Variants in TAF15 observed in about 807,000 individuals in gnomAD.
TAF15 encodes TATA-binding protein-associated factor 2N.
A neutral mutation model predicts 102.5 loss-of-function variants in TAF15; 37 were observed. The ratio of observed to expected loss-of-function variants is 0.36; its 90% CI spans 0.28 to 0.47. TAF15 has a LOEUF of 0.47. TAF15 is among the 20% of genes least tolerant of loss of function. The probability of loss-of-function intolerance (pLI) is 0.99; values close to 1 mark genes in which losing one functional copy is unlikely to be tolerated. For missense variants in TAF15, 652 were observed against 760.7 expected, an observed-to-expected ratio of 0.86 and a Z score of 1.68; for synonymous variants, 273 against 259.2, an observed-to-expected ratio of 1.05 and a Z score of -0.51.
At chr17:35,842,294 A>G in intron 11 of TAF15, 73 bp from the exon 12 acceptor site, 1 of 1,170,054 alleles carries the variant, frequency 8.5e-7, no homozygotes, top group Admixed American at 1.9e-5. Flanking sequence ...AAGATTTCCA[A>G]GACTTTTTCA....
At chr17:35,820,513 A>G in intron 5 of TAF15, 76 bp downstream of exon 5, 1 of 1,420,420 alleles carries the variant, frequency 7.0e-7, no homozygotes, top group Admixed American at 2.0e-5. Flanking sequence ...TTAACCAACA[A>G]AATCCTAGCT....
At chr17:35,845,362 C>T (rs1277918811) in intron 15 of TAF15, among the ~76,000 whole-genome samples, 2 of 152,196 alleles carry the variant, frequency 1.3e-5, no homozygotes, top group South Asian at 2.1e-4. Flanking sequence ...TCAGGCAACA[C>T]TCCTGCCTCA....
At chr17:35,811,737 C>G (rs2087126415) in intron 1 of TAF15, among the ~76,000 whole-genome samples, 1 of 152,186 alleles carries the variant, frequency 6.6e-6, no homozygotes, top group African/African-American at 2.4e-5. Flanking sequence ...AATTATAAGT[C>G]AGAGTCTAAC....
At chr17:35,819,925 C>A in intron 2 of TAF15, 99 bp from the exon 3 acceptor site, 2 of 1,017,694 alleles carry the variant, frequency 2.0e-6, no homozygotes, top group Non-Finnish European at 3.0e-6. Context: ...AGCAAAGAAG[C>A]TTGTATTTGA....
At chr17:35,832,885 A>C (rs11656322) in intron 7 of TAF15, among the ~76,000 whole-genome samples, 2 of 151,830 alleles carry the variant, frequency 1.3e-5, no homozygotes, top group Non-Finnish European at 2.9e-5. Flanking sequence ...GTCCTGGCGC[A>C]GTGGCTCGTG....
At chr17:35,841,714 TGG>T (rs1415868059) in intron 11 of TAF15, among the ~76,000 whole-genome samples, 2 of 149,702 alleles carry the variant, frequency 1.3e-5, no homozygotes, top group Non-Finnish European at 1.5e-5. Flanking sequence ...TTTTTTTTTT[TGG>T]AGAGAGAGTA....
intron 12 of TAF15, among the ~76,000 whole-genome samples, chr17:35,843,459 C>CT (rs2087572338): frequency 6.6e-6 from 1 of 152,106 alleles, no homozygotes; most frequent in Non-Finnish European, 1.5e-5. Flanking sequence ...ATATTCTTGT[C>CT]TTTTTTCTTT....
intron 11 of TAF15, among the ~76,000 whole-genome samples, chr17:35,841,220 AAT>A (rs2087539196): frequency 2.6e-5 from 4 of 152,370 alleles, no homozygotes. Flanking sequence ...CATATGGTAA[AAT>A]ATGAGTTTCT....
chr17:35,809,586 T>G lies in TAF15; in HGVS notation c.7+10T>G. The G allele has an allele frequency of 6.2e-7, 1 of 1,613,388 alleles. No individual in the cohort carries two copies. The highest frequency in any genetic ancestry group is 8.5e-7 in the Non-Finnish European group (1 of 1,179,854). On this transcript the variant is annotated intron_variant, in intron 1 of 15. Coordinates refer to ENST00000605844, the MANE Select transcript of TAF15 (RefSeq NM_139215.3). ...CCGTTAGTCATGTCGGGTAGGTGACTTCTTCAGCGAGCAGCGGCAGCGACG... is the reference window on the plus strand; with the variant it reads ...CCGTTAGTCATGTCGGGTAGGTGACGTCTTCAGCGAGCAGCGGCAGCGACG...
At position 35,814,948 on chromosome 17, in the gene TAF15, T is replaced by TA. The variant is rs577690853; in HGVS notation, c.8-2760dup. ...ACAAGTCCATAGTTATATGGGAAGT[T>TA]AAAAAAAATACCTCTTTGTGTAATT... On this transcript the variant is annotated intron_variant, in intron 1 of 15. Coordinates refer to ENST00000605844, the MANE Select transcript of TAF15 (RefSeq NM_139215.3). Among the ~76,000 whole-genome samples the TA allele has an allele frequency of 5.4e-3, 819 of 151,602 alleles. 6 individuals carry two copies. Among genetic ancestry groups the TA allele is most frequent in the African/African-American group, 0.011 (451 of 41,366 alleles).
At chr17:35,835,447 T>C (rs1458003434) in intron 9 of TAF15, among the ~76,000 whole-genome samples, 2 of 152,236 alleles carry the variant, frequency 1.3e-5, no homozygotes, top group African/African-American at 4.8e-5. Flanking sequence ...TTGAAAGTTA[T>C]AATTTAGAGG....
intron 11 of TAF15, among the ~76,000 whole-genome samples, chr17:35,840,234 T>C (rs563152975): frequency 6.6e-6 from 1 of 151,380 alleles, no homozygotes; most frequent in East Asian, 2.0e-4. Context: ...AAAAACATAA[T>C]TGCGTTATTT....
intron 1 of TAF15, among the ~76,000 whole-genome samples, chr17:35,812,229 C>T (rs902704755): frequency 4.6e-5 from 7 of 152,146 alleles, no homozygotes; most frequent in African/African-American, 4.8e-5. Context: ...GACGTTTAGG[C>T]TCCAGGAAAC....
rs983824224 is a variant in TAF15 at position 35,832,010 on chromosome 17, G to A, written c.606-1897G>A. Among the ~76,000 whole-genome samples, 7 of 152,236 alleles carry A rather than the reference G, an allele frequency of 4.6e-5. No individual in the cohort carries two copies. The South Asian group carries it at 1.5e-3, about 32-fold the overall frequency. On this transcript the variant is annotated intron_variant, in intron 7 of 15. Transcript: ENST00000605844. ...GGAGAATGGCATGAACCCGGGAGGC[G>A]GAGCTTGCGGTGAGCCAAGATTGCG...
At chr17:35,809,969 C>T in intron 1 of TAF15, 3 of 364,916 alleles carry the variant, frequency 8.2e-6, no homozygotes, top group Non-Finnish European at 5.1e-6. Flanking sequence ...TCGGATCTTT[C>T]AGCGAGGCCT....
At chr17:35,832,377 T>G (rs1466895895) in intron 7 of TAF15, among the ~76,000 whole-genome samples, 3 of 152,184 alleles carry the variant, frequency 2.0e-5, no homozygotes, top group Non-Finnish European at 4.4e-5. Context: ...TAACAACAAA[T>G]TAAAATGCAT....
At chr17:35,828,779 A>T (rs899380766) in intron 7 of TAF15, among the ~76,000 whole-genome samples, 8 of 92,450 alleles carry the variant, frequency 8.7e-5, no homozygotes, top group Non-Finnish European at 1.7e-4. Flanking sequence ...CAAATGTTTA[A>T]AAAAAAAAAA....
At chr17:35,814,171 A>AT (rs113435798) in intron 1 of TAF15, among the ~76,000 whole-genome samples, 3,727 of 145,434 alleles carry the variant, frequency 0.026, 72 homozygotes, top group East Asian at 0.12. Flanking sequence ...CCAAAAGGTG[A>AT]TTTTTTTTTT....
intron 7 of TAF15, among the ~76,000 whole-genome samples, chr17:35,833,150 C>G (rs1193590263): frequency 1.4e-5 from 2 of 139,748 alleles, no homozygotes; most frequent in African/African-American, 5.8e-5. Flanking sequence ...GAGCGAGACT[C>G]TGTCTCAAAA....
Sources: gnomAD v4.1 joint callset for allele counts (sites outside exome capture counted in the v4.1 genomes callset) on GRCh38, gnomAD v4.1.1 for gene constraint, MANE v1.5 for transcripts, NCBI Gene and HGNC (gene_info 2026-07-23, HGNC 2026-07-21) for gene names.